PPARGC1A: variants seen among roughly 807,000 people sequenced by gnomAD.
The protein encoded by PPARGC1A is PPARG coactivator 1 alpha, also known as peroxisome proliferator-activated receptor gamma coactivator 1-alpha.
Under a neutral mutation model 88.7 loss-of-function variants are expected in PPARGC1A, and 25 were observed. The ratio of observed to expected loss-of-function variants is 0.28; its 90% CI spans 0.21 to 0.39. PPARGC1A has a LOEUF of 0.39. Ranked by LOEUF, PPARGC1A falls within the 10% of genes least tolerant of loss-of-function variation. The probability of loss-of-function intolerance (pLI) is 1.00; values close to 1 mark genes in which losing one functional copy is unlikely to be tolerated. For synonymous variants in PPARGC1A, 363 were observed against 355.6 expected, an observed-to-expected ratio of 1.02 and a Z score of -0.24; for missense variants, 880 against 968.7, an observed-to-expected ratio of 0.91 and a Z score of 1.22.
chr4:24,076,803 C>T, the PPARGC1A span, among the ~76,000 whole-genome samples: 1 of 152,146 alleles, frequency 6.6e-6, no homozygotes, highest in Non-Finnish European at 1.5e-5. Context: ...CATTCACATA[C>T]ATTAATATAT....
chr4:24,355,257 T>C, the PPARGC1A span, among the ~76,000 whole-genome samples: 1 of 152,152 alleles, frequency 6.6e-6, no homozygotes, highest in Non-Finnish European at 1.5e-5. Context: ...GCATCCACCT[T>C]ATTAGTCAAG....
the PPARGC1A span, among the ~76,000 whole-genome samples, chr4:24,130,522 CT>C: frequency 6.6e-6 from 1 of 152,130 alleles, no homozygotes; most frequent in African/African-American, 2.4e-5. Context: ...ATTCCTATCT[CT>C]GTTTTAAAGA....
the PPARGC1A span, among the ~76,000 whole-genome samples, chr4:24,471,341 C>T: frequency 1.9e-4 from 29 of 150,062 alleles, no homozygotes; most frequent in African/African-American, 7.0e-4. The surrounding 1 kb of genome is among the most constrained non-coding windows in gnomAD (Gnocchi z 5.4). Flanking sequence ...GACACACACC[C>T]GCGTGCACAC....
chr4:24,234,362 G>A, the PPARGC1A span, among the ~76,000 whole-genome samples: 4 of 152,074 alleles, frequency 2.6e-5, no homozygotes, highest in Admixed American at 6.5e-5. Context: ...TTTAGCTTCA[G>A]GAAAAAATAC....
the PPARGC1A span, among the ~76,000 whole-genome samples, chr4:24,012,302 G>A: frequency 2.6e-4 from 40 of 152,228 alleles, no homozygotes; most frequent in African/African-American, 9.4e-4. Context: ...ATTTCTAGGT[G>A]AGGATGGTGA....
At chr4:23,893,888 A>G (rs1266482471), upstream of PPARGC1A, among the ~76,000 whole-genome samples, 3 of 152,186 alleles carry the variant, frequency 2.0e-5, no homozygotes, top group African/African-American at 7.2e-5. Flanking sequence ...CAGACCACGT[A>G]TGGGCTAGAC....
At chr4:24,359,508 A>G in the PPARGC1A span, among the ~76,000 whole-genome samples, 1 of 152,220 alleles carries the variant, frequency 6.6e-6, no homozygotes, top group Non-Finnish European at 1.5e-5. Context: ...CTTGATCCCC[A>G]CTGGTGTAGA....
At chr4:24,089,242 G>A in the PPARGC1A span, among the ~76,000 whole-genome samples, 2 of 152,144 alleles carry the variant, frequency 1.3e-5, no homozygotes, top group African/African-American at 4.8e-5. Context: ...CCTTGCATCT[G>A]AGGCCATCAG....
chr4:24,056,086 G>A, the PPARGC1A span, among the ~76,000 whole-genome samples: 4 of 152,192 alleles, frequency 2.6e-5, no homozygotes, highest in Non-Finnish European at 5.9e-5. Flanking sequence ...GTTTCAAATA[G>A]GCGAACAAAT....
At chr4:24,094,786 T>G in the PPARGC1A span, among the ~76,000 whole-genome samples, 1 of 152,208 alleles carries the variant, frequency 6.6e-6, no homozygotes. Flanking sequence ...TTCACTGTTC[T>G]TAAATCAAGC....
the PPARGC1A span, among the ~76,000 whole-genome samples, chr4:24,010,144 T>C: frequency 6.6e-6 from 1 of 152,234 alleles, no homozygotes; most frequent in African/African-American, 2.4e-5. Context: ...ATTAATACTG[T>C]GTTCTTAGGC....
At chr4:24,008,897 C>A in the PPARGC1A span, among the ~76,000 whole-genome samples, 4 of 151,952 alleles carry the variant, frequency 2.6e-5, no homozygotes, top group Admixed American at 6.6e-5. Context: ...AAAATAGTAA[C>A]CTTTCTCAGC....
intron 2 of PPARGC1A, among the ~76,000 whole-genome samples, chr4:23,845,384 CTG>C (rs1271485823): frequency 2.6e-5 from 4 of 152,106 alleles, no homozygotes; most frequent in Admixed American, 6.6e-5. Context: ...ATATGTGAAA[CTG>C]TGCAGCTGCA....
the PPARGC1A span, among the ~76,000 whole-genome samples, chr4:24,421,415 C>A: frequency 2.6e-5 from 4 of 151,642 alleles, no homozygotes; most frequent in Admixed American, 6.6e-5. Flanking sequence ...GGTTCACGCC[C>A]TTCTCCTGCC....
At chr4:23,974,872 G>A in the PPARGC1A span, among the ~76,000 whole-genome samples, 1 of 134,670 alleles carries the variant, frequency 7.4e-6, no homozygotes, top group Admixed American at 8.5e-5. Flanking sequence ...TGCCAGGATG[G>A]TCTTGATCTC....
At chr4:24,448,306 G>C in the PPARGC1A span, among the ~76,000 whole-genome samples, 4 of 152,134 alleles carry the variant, frequency 2.6e-5, no homozygotes, top group African/African-American at 9.7e-5. Flanking sequence ...GTAAGCAGAG[G>C]CAGCGGCCCA....
chr4:23,910,877 G>A, the PPARGC1A span, among the ~76,000 whole-genome samples: 1 of 152,076 alleles, frequency 6.6e-6, no homozygotes, highest in Non-Finnish European at 1.5e-5. Flanking sequence ...GGTTACACAT[G>A]TAACATGCAG....
chr4:23,896,742 A>C (rs1243492350), intron 1 of PPARGC1A, among the ~76,000 whole-genome samples: 1 of 152,204 alleles, frequency 6.6e-6, no homozygotes, highest in East Asian at 1.9e-4. Flanking sequence ...CATTTATACA[A>C]TAGTAAATAT....
chr4:23,957,901 G>A, the PPARGC1A span, among the ~76,000 whole-genome samples: 2 of 152,058 alleles, frequency 1.3e-5, no homozygotes, highest in African/African-American at 4.8e-5. Flanking sequence ...CTGGAATGTT[G>A]ACAAAAAGAT....
Sources: gnomAD v4.1 joint callset for allele counts (sites outside exome capture counted in the v4.1 genomes callset) on GRCh38, gnomAD v4.1.1 for gene constraint, Gnocchi (gnomAD v3.1) non-coding constraint, MANE v1.5 for transcripts, NCBI Gene and HGNC (gene_info 2026-07-23, HGNC 2026-07-21) for gene names.